Variants in ZNF536 observed in about 807,000 individuals in gnomAD.
ZNF536 encodes zinc finger protein 536.
Under a neutral mutation model 84.5 loss-of-function variants are expected in ZNF536, and 13 were observed. The ratio of observed to expected loss-of-function variants is 0.15; its 90% confidence interval spans 0.10 to 0.24. The LOEUF (loss-of-function observed/expected upper bound fraction) is 0.24, where lower values mean the gene tolerates loss of function less well. Among genes scored for constraint, ZNF536 ranks in the 10% least tolerant of loss-of-function variants. The pLI is 1.00. For missense variants in ZNF536, 1,536 were observed against 1,747.5 expected (o/e 0.88, Z 2.16); for synonymous variants, 811 against 742.5 (o/e 1.09, Z -1.50).
chr19:30,582,988 C>T (rs1050031265), intron 1 of ZNF536, among the ~76,000 whole-genome samples: 11 of 152,120 alleles, frequency 7.2e-5, no homozygotes, highest in Admixed American at 7.2e-4. Context: ...GGTCCTGAAC[C>T]CCTGGCCTTA....
At chr19:30,588,941 G>A (rs368193138) in intron 1 of ZNF536, among the ~76,000 whole-genome samples, 8 of 152,302 alleles carry the variant, frequency 5.3e-5, no homozygotes, top group Admixed American at 2.6e-4. Context: ...GCATTCTAAA[G>A]ACAAGCATGT....
chr19:30,236,529 C>CA (rs2023521998), intron 1 of ZNF536, among the ~76,000 whole-genome samples: 1 of 117,628 alleles, frequency 8.5e-6, no homozygotes, highest in African/African-American at 3.0e-5. Flanking sequence ...AAAGTTGGGG[C>CA]GGGGGGGGGG....
At chr19:30,411,992 T>G (rs2050514240) in intron 1 of ZNF536, among the ~76,000 whole-genome samples, 1 of 152,162 alleles carries the variant, frequency 6.6e-6, no homozygotes, top group Non-Finnish European at 1.5e-5. Flanking sequence ...TGCCCATGTC[T>G]TATTATATTT....
intron 1 of ZNF536, among the ~76,000 whole-genome samples, chr19:30,577,137 C>T (rs1367153413): frequency 1.3e-5 from 2 of 152,042 alleles, no homozygotes; most frequent in Non-Finnish European, 2.9e-5. Flanking sequence ...GTTTTTTTCT[C>T]CTTCATTTTA....
chr19:30,547,104 C>A (rs2146151749), intron 3 of ZNF536, among the ~76,000 whole-genome samples: 1 of 152,278 alleles, frequency 6.6e-6, no homozygotes, highest in South Asian at 2.1e-4. Flanking sequence ...CATTTTACTA[C>A]CGGAGCATTA....
chr19:30,611,644 C>A (rs903604408), intron 1 of ZNF536, among the ~76,000 whole-genome samples: 4 of 152,100 alleles, frequency 2.6e-5, no homozygotes, highest in African/African-American at 9.7e-5. Flanking sequence ...GAAGGTTTAG[C>A]TTTAGGGTTG....
intron 1 of ZNF536, among the ~76,000 whole-genome samples, chr19:30,683,583 T>G (rs924469654): frequency 1.3e-5 from 2 of 152,158 alleles, no homozygotes; most frequent in African/African-American, 4.8e-5. Flanking sequence ...CCTCTGATGG[T>G]TTCTGCCTGC....
At chr19:30,312,405 G>A (rs770620583) in intron 2 of ZNF536, among the ~76,000 whole-genome samples, 3 of 152,158 alleles carry the variant, frequency 2.0e-5, no homozygotes, top group Non-Finnish European at 2.9e-5. Context: ...TCCAACCCTT[G>A]CTGGCCCGAG....
Position 30,557,381 on chromosome 19 carries a change from T to C in ZNF536, c.*217T>C. On this transcript the variant is annotated 3_prime_UTR_variant, in exon 5 of 5. Coordinates refer to ENST00000355537, the MANE Select transcript of ZNF536 (RefSeq NM_014717.3). ...CAGAGGCTAAAAATATTACCCCATA[T>C]GTTCCAGTATTAGTCATGGATTGCA... is the stretch of plus-strand genomic sequence containing the variant. The C allele has an allele frequency of 4.4e-6, 2 of 453,426 alleles. No individual in the cohort carries two copies. Among genetic ancestry groups the C allele is most frequent in the Middle Eastern group, 8.8e-4 (2 of 2,270 alleles). 28.1% of individuals were successfully genotyped at this position (453,426 alleles called of 1,614,324 possible).
downstream of ZNF536, among the ~76,000 whole-genome samples, chr19:30,561,026 T>C (rs900310161): frequency 3.3e-5 from 5 of 152,240 alleles, no homozygotes; most frequent in Non-Finnish European, 5.9e-5. Flanking sequence ...TTGTCTTTCA[T>C]GTTCTTTGTG....
intron 1 of ZNF536, among the ~76,000 whole-genome samples, chr19:30,607,119 T>C (rs1010769508): frequency 2.0e-5 from 3 of 152,206 alleles, no homozygotes; most frequent in African/African-American, 7.2e-5. Context: ...AATGATCCCC[T>C]CACCTCCCTA....
chr19:30,254,394 A>G (rs2024793685), intron 1 of ZNF536, among the ~76,000 whole-genome samples: 1 of 152,198 alleles, frequency 6.6e-6, no homozygotes, highest in African/African-American at 2.4e-5. Context: ...TGGGTGGTTG[A>G]GAGAAACTGT....
intron 1 of ZNF536, among the ~76,000 whole-genome samples, chr19:30,261,225 G>A (rs1179261329): frequency 6.9e-6 from 1 of 145,052 alleles, no homozygotes; most frequent in Non-Finnish European, 1.5e-5. Context: ...GTGAACCCGG[G>A]AGGCGGAGCT....
At chr19:30,584,343 C>T (rs1020683719) in intron 1 of ZNF536, among the ~76,000 whole-genome samples, 8 of 152,246 alleles carry the variant, frequency 5.3e-5, no homozygotes, top group East Asian at 1.9e-4. Context: ...CCCCCAGCAG[C>T]GGGAGGATAA....
intron 2 of ZNF536, among the ~76,000 whole-genome samples, chr19:30,352,116 C>T (rs1407284130): frequency 6.6e-6 from 1 of 152,174 alleles, no homozygotes; most frequent in African/African-American, 2.4e-5. Context: ...TGCTTGGAAT[C>T]CTGATAAATA....
At chr19:30,600,282 G>A (rs1159557667) in intron 1 of ZNF536, among the ~76,000 whole-genome samples, 5 of 151,872 alleles carry the variant, frequency 3.3e-5, no homozygotes, top group East Asian at 1.9e-4. Context: ...TAGTAGAGAC[G>A]GGGTTTCACC....
At chr19:30,272,403 G>T (rs1466545571) in intron 1 of ZNF536, among the ~76,000 whole-genome samples, 1 of 152,082 alleles carries the variant, frequency 6.6e-6, no homozygotes, top group Non-Finnish European at 1.5e-5. Flanking sequence ...TGTTATGATT[G>T]TTGAACCAAT....
chr19:30,530,329 T>G (rs1435934707), intron 2 of ZNF536, among the ~76,000 whole-genome samples: 1 of 124,378 alleles, frequency 8.0e-6, no homozygotes, highest in Admixed American at 7.7e-5. Context: ...TCTCTCTGTC[T>G]TTTTGTTGTT....
chr19:30,625,513 G>A lies in ZNF536; in HGVS notation c.169+75999G>A, dbSNP rs11882158. On this transcript the variant is annotated intron_variant, in intron 1 of 1. Transcript: ENST00000592773. ...TTATACCAGAAGGTTGATATTATTT[G>A]AATTATTTTAGTCCTGTTAAGAAGC... Among the ~76,000 whole-genome samples, 739 of 152,306 alleles carry A rather than the reference G, an allele frequency of 4.9e-3. 6 individuals are homozygous for A. The highest frequency in any genetic ancestry group is 0.017 in the African/African-American group (702 of 41,566).
Sources: allele counts gnomAD v4.1 joint callset (sites outside exome capture counted in the v4.1 genomes callset), GRCh38; gene constraint gnomAD v4.1.1; transcripts MANE v1.5; gene names NCBI Gene and HGNC (gene_info 2026-07-23, HGNC 2026-07-21).